The following TRDN variants were observed in gnomAD, a reference collection of about 807,000 sequenced individuals.
The protein encoded by TRDN is triadin.
TRDN carries 161 observed loss-of-function variants against 149.7 expected under a neutral mutation model. That is an observed-to-expected ratio of 1.08 (90% CI 0.95 to 1.23). The LOEUF (loss-of-function observed/expected upper bound fraction) is 1.23, where lower values mean the gene tolerates loss of function less well. Among genes scored for constraint, TRDN ranks in the 50% most tolerant of loss-of-function variants. TRDN has a pLI of 0.00. For synonymous variants in TRDN, 294 were observed against 250.5 expected (o/e 1.17, Z -1.64); for missense variants, 896 against 823.5 (o/e 1.09, Z -1.08).
At chr6:123,506,678 G>T (rs1238932359) in intron 7 of TRDN, among the ~76,000 whole-genome samples, 1 of 151,766 alleles carries the variant, frequency 6.6e-6, no homozygotes, top group African/African-American at 2.4e-5. Context: ...TAGTAGAGAT[G>T]GGGTTTCACC....
At chr6:123,224,014 GAAA>G (rs11368178) in intron 39 of TRDN, 76 bp downstream of exon 39, 695 of 1,136,956 alleles carry the variant, frequency 6.1e-4, no homozygotes, top group Middle Eastern at 1.1e-3. Flanking sequence ...GAATAGCTAG[GAAA>G]AAAAAAAAAA....
chr6:123,503,669 G>A (rs1391564688), intron 8 of TRDN, 50 bp downstream of exon 8: 6 of 1,609,428 alleles, frequency 3.7e-6, no homozygotes, highest in South Asian at 3.3e-5. Context: ...TGTGCTTCTT[G>A]CCCAATATTC....
intron 9 of TRDN, among the ~76,000 whole-genome samples, chr6:123,473,766 C>T (rs112864125): frequency 1.3e-5 from 2 of 151,906 alleles, no homozygotes; most frequent in Non-Finnish European, 2.9e-5. Flanking sequence ...CCCTACAAGC[C>T]AGAAGAGAGT....
intron 38 of TRDN, among the ~76,000 whole-genome samples, chr6:123,241,600 G>GA (rs1249428964): frequency 6.6e-6 from 1 of 151,550 alleles, no homozygotes; most frequent in Non-Finnish European, 1.5e-5. Context: ...GAAAGCTTTT[G>GA]AAAAATCACA....
At chr6:123,628,714 A>G (rs903216523) in intron 1 of TRDN, among the ~76,000 whole-genome samples, 1 of 152,080 alleles carries the variant, frequency 6.6e-6, no homozygotes, top group Non-Finnish European at 1.5e-5. Flanking sequence ...CTTTATTCTC[A>G]CTGTTATTTT....
intron 23 of TRDN, among the ~76,000 whole-genome samples, chr6:123,317,270 T>G (rs1779061745): frequency 6.6e-6 from 1 of 151,820 alleles, no homozygotes; most frequent in Non-Finnish European, 1.5e-5. Context: ...AGAGTCTTCT[T>G]TTGATTAATG....
intron 6 of TRDN, among the ~76,000 whole-genome samples, chr6:123,514,621 A>G (rs1244042964): frequency 4.8e-5 from 6 of 123,978 alleles, no homozygotes; most frequent in Non-Finnish European, 6.6e-5. Flanking sequence ...TGAAGGGTAT[A>G]CATACCCAAA....
intron 20 of TRDN, among the ~76,000 whole-genome samples, chr6:123,364,243 C>T (rs76061313): frequency 7.0e-4 from 106 of 152,308 alleles, no homozygotes; most frequent in Non-Finnish European, 7.6e-4. Flanking sequence ...TGATGCAGAG[C>T]GCAGAGTCTA....
At chr6:123,625,745 G>C (rs1785630604) in intron 1 of TRDN, among the ~76,000 whole-genome samples, 1 of 152,036 alleles carries the variant, frequency 6.6e-6, no homozygotes. Context: ...GAGCCAACAA[G>C]ATTGAAAATA....
chr6:123,277,023 T>C (rs756083441), intron 26 of TRDN, among the ~76,000 whole-genome samples: 3 of 152,098 alleles, frequency 2.0e-5, no homozygotes, highest in Non-Finnish European at 4.4e-5. Flanking sequence ...GGTTTTGGAT[T>C]TGCTTAGGAC....
chr6:123,378,776 T>C (rs976327926), intron 16 of TRDN, among the ~76,000 whole-genome samples: 3 of 152,102 alleles, frequency 2.0e-5, no homozygotes, highest in Admixed American at 1.3e-4. Context: ...GAAAAAGAAG[T>C]TTCAGGGTAA....
At chr6:123,462,430 C>T (rs566319992) in intron 10 of TRDN, 45 of 152,190 alleles carry the variant, frequency 3.0e-4, no homozygotes, top group African/African-American at 8.4e-4. Flanking sequence ...GCTTTAAAGA[C>T]GTGTAGTATT....
intron 23 of TRDN, among the ~76,000 whole-genome samples, chr6:123,316,849 C>T (rs1310070791): frequency 6.6e-6 from 1 of 151,760 alleles, no homozygotes; most frequent in East Asian, 1.9e-4. Context: ...AGAAGAAAAA[C>T]GTCATAAATT....
At chr6:123,561,590 C>A (rs967531689) in intron 2 of TRDN, among the ~76,000 whole-genome samples, 2 of 152,206 alleles carry the variant, frequency 1.3e-5, no homozygotes, top group African/African-American at 4.8e-5. Context: ...TGAGCACTCT[C>A]TAATTGGATG....
intron 1 of TRDN, among the ~76,000 whole-genome samples, chr6:123,623,000 C>T (rs1785475410): frequency 6.6e-6 from 1 of 152,120 alleles, no homozygotes; most frequent in East Asian, 1.9e-4. Context: ...CCCATCAGAA[C>T]TGCTTCCACC....
chr6:123,248,584 C>T (rs1776267684), intron 38 of TRDN, among the ~76,000 whole-genome samples: 1 of 151,408 alleles, frequency 6.6e-6, no homozygotes, highest in African/African-American at 2.4e-5. Flanking sequence ...AAATCAGAGA[C>T]TTATATGCAC....
intron 9 of TRDN, among the ~76,000 whole-genome samples, chr6:123,479,470 A>G (rs569389909): frequency 3.0e-4 from 46 of 152,342 alleles, no homozygotes; most frequent in African/African-American, 1.1e-3. Flanking sequence ...GACTATGTCA[A>G]TTATCTATTG....
At chr6:123,232,118 T>C (rs1004014188) in intron 38 of TRDN, among the ~76,000 whole-genome samples, 1 of 151,222 alleles carries the variant, frequency 6.6e-6, no homozygotes, top group Non-Finnish European at 1.5e-5. Context: ...CACTGAGGAA[T>C]AGCACAGAAG....
chr6:123,391,646 T>G (rs1032223587), intron 13 of TRDN, among the ~76,000 whole-genome samples: 8 of 152,020 alleles, frequency 5.3e-5, no homozygotes, highest in African/African-American at 1.9e-4. Context: ...TTCCAAAGAA[T>G]ATATGCTAAA....
Sources: allele counts gnomAD v4.1 joint callset (sites outside exome capture counted in the v4.1 genomes callset), GRCh38; gene constraint gnomAD v4.1.1; transcripts MANE v1.5; gene names NCBI Gene and HGNC (gene_info 2026-07-23, HGNC 2026-07-21).